Variants in FBXW7 observed in about 807,000 individuals in gnomAD.
FBXW7 encodes the protein F-box/WD repeat-containing protein 7.
FBXW7 carries 11 observed loss-of-function variants against 86.3 expected under a neutral mutation model. The observed-to-expected ratio is 0.13, with a 90% CI of 0.08 to 0.21. FBXW7 has a LOEUF of 0.21. Among genes scored for constraint, FBXW7 ranks in the 10% least tolerant of loss-of-function variants. The probability of loss-of-function intolerance (pLI) is 1.00; values close to 1 mark genes in which losing one functional copy is unlikely to be tolerated. For missense variants in FBXW7, 488 were observed against 847.4 expected (o/e 0.58, Z 5.27); for synonymous variants, 313 against 297.9 (o/e 1.05, Z -0.52).
chr4:152,335,587 G>T (rs1377717797), intron 7 of FBXW7, among the ~76,000 whole-genome samples: 1 of 152,180 alleles, frequency 6.6e-6, no homozygotes, highest in African/African-American at 2.4e-5. Context: ...TCTTCCTAAA[G>T]ATCACTTCTG....
At chr4:152,380,159 G>A (rs1033461009) in intron 4 of FBXW7, among the ~76,000 whole-genome samples, 1 of 152,070 alleles carries the variant, frequency 6.6e-6, no homozygotes, top group African/African-American at 2.4e-5. Context: ...TTGTCAAGGT[G>A]TATAGCAATC....
intron 2 of FBXW7, among the ~76,000 whole-genome samples, chr4:152,431,154 A>G (rs1300572046): frequency 6.6e-6 from 1 of 152,246 alleles, no homozygotes; most frequent in Non-Finnish European, 1.5e-5. Flanking sequence ...AAATCTAGAC[A>G]GGAGTTTCTG....
intron 2 of FBXW7, among the ~76,000 whole-genome samples, chr4:152,528,287 G>C (rs1256543099): frequency 1.3e-5 from 2 of 152,184 alleles, no homozygotes; most frequent in Non-Finnish European, 2.9e-5. Flanking sequence ...CATAGCAACA[G>C]AAACTGCACA....
intron 4 of FBXW7, among the ~76,000 whole-genome samples, chr4:152,384,922 T>C (rs1008610963): frequency 3.3e-5 from 5 of 152,042 alleles, no homozygotes; most frequent in Non-Finnish European, 7.4e-5. Flanking sequence ...ACTAGGTTCA[T>C]GCTAGTCTTA....
At chr4:152,501,007 A>G (rs954467738) in intron 2 of FBXW7, among the ~76,000 whole-genome samples, 1 of 152,232 alleles carries the variant, frequency 6.6e-6, no homozygotes, top group Non-Finnish European at 1.5e-5. Flanking sequence ...TTGTGCCTCT[A>G]GAGGGCAGCA....
intron 2 of FBXW7, among the ~76,000 whole-genome samples, chr4:152,505,550 T>A (rs1038575692): frequency 6.6e-6 from 1 of 152,158 alleles, no homozygotes; most frequent in Non-Finnish European, 1.5e-5. Flanking sequence ...AAAACTGTTT[T>A]AAGACACAAA....
intron 2 of FBXW7, among the ~76,000 whole-genome samples, chr4:152,421,364 T>C (rs1452584773): frequency 1.3e-5 from 2 of 152,194 alleles, no homozygotes; most frequent in African/African-American, 4.8e-5. Context: ...GTTTTGCTTA[T>C]AATTCATGTG....
At chr4:152,501,704 G>T (rs532452828) in intron 2 of FBXW7, among the ~76,000 whole-genome samples, 5 of 152,208 alleles carry the variant, frequency 3.3e-5, no homozygotes, top group South Asian at 4.1e-4. Flanking sequence ...ATGAGATCTC[G>T]ATAGGTCTCT....
chr4:152,366,830 T>C (rs1733530315), intron 4 of FBXW7, among the ~76,000 whole-genome samples: 1 of 152,208 alleles, frequency 6.6e-6, no homozygotes, highest in African/African-American at 2.4e-5. Context: ...TGCACACGTA[T>C]GTTTATTGTG....
At chr4:152,411,268 G>A (rs749851318) in intron 4 of FBXW7, 35 bp downstream of exon 4, 1 of 1,516,400 alleles carries the variant, frequency 6.6e-7, no homozygotes, top group South Asian at 1.4e-5. Flanking sequence ...GATATGTAAA[G>A]TTTCTCAGGT....
intron 2 of FBXW7, among the ~76,000 whole-genome samples, chr4:152,460,694 T>C (rs1322679783): frequency 6.6e-6 from 1 of 152,256 alleles, no homozygotes; most frequent in East Asian, 1.9e-4. Flanking sequence ...AGAAATTCTC[T>C]GGTATTGAGC....
At chr4:152,464,071 T>C (rs1024688929) in intron 2 of FBXW7, among the ~76,000 whole-genome samples, 2 of 152,208 alleles carry the variant, frequency 1.3e-5, no homozygotes, top group African/African-American at 4.8e-5. Context: ...TAATAGCATG[T>C]TTACGGCCAG....
chr4:152,397,695 CAAAAAAAAAAAAAA>C (rs397995836), intron 4 of FBXW7, among the ~76,000 whole-genome samples: 207 of 60,380 alleles, frequency 3.4e-3, no homozygotes, highest in Non-Finnish European at 5.1e-3. Flanking sequence ...CCTAAGAAGC[CAAAAAAAAAAAAAA>C]AAAAAAAAAA....
chr4:152,358,992 T>C (rs1732668750), intron 4 of FBXW7, among the ~76,000 whole-genome samples: 2 of 152,142 alleles, frequency 1.3e-5, no homozygotes, highest in Non-Finnish European at 2.9e-5. Context: ...CACGAGACAT[T>C]GTTAAAGAAG....
intron 4 of FBXW7, among the ~76,000 whole-genome samples, chr4:152,354,623 G>T (rs569686380): frequency 6.6e-5 from 10 of 152,132 alleles, no homozygotes; most frequent in African/African-American, 2.2e-4. Context: ...GTTAAGAAGA[G>T]ACCAACTTTA....
chr4:152,426,105 G>A lies in FBXW7; in HGVS notation c.-119-13576C>T, dbSNP rs530882290. ...GGTAACCAGGTGGTAATGTTCCTGG[G>A]CAACTAGCTGAAGCAAACCTTAGTT... On this transcript the variant is annotated intron_variant, in intron 2 of 13. Transcript: ENST00000281708. Among the ~76,000 whole-genome samples, 114 of 152,260 alleles carry A rather than the reference G, an allele frequency of 7.5e-4. 1 individual carries two copies. Among genetic ancestry groups the A allele is most frequent in the Admixed American group, 1.7e-3 (26 of 15,288 alleles).
intron 4 of FBXW7, among the ~76,000 whole-genome samples, chr4:152,394,805 C>T (rs1736280539): frequency 1.3e-5 from 2 of 152,044 alleles, no homozygotes; most frequent in African/African-American, 4.8e-5. Flanking sequence ...GATGCTACTA[C>T]CGTCCCTAAG....
At chr4:152,344,481 T>A (rs1289891592) in intron 6 of FBXW7, among the ~76,000 whole-genome samples, 1 of 151,952 alleles carries the variant, frequency 6.6e-6, no homozygotes, top group East Asian at 1.9e-4. Context: ...CTGCACCTAC[T>A]CCTTTTACAG....
chr4:152,529,136 C>A (rs1167329152), intron 2 of FBXW7, among the ~76,000 whole-genome samples: 1 of 152,136 alleles, frequency 6.6e-6, no homozygotes, highest in East Asian at 1.9e-4. Context: ...GGAATAATTT[C>A]TGTTTGGAGT....
Sources: allele counts gnomAD v4.1 joint callset (sites outside exome capture counted in the v4.1 genomes callset), GRCh38; gene constraint gnomAD v4.1.1; transcripts MANE v1.5; gene names NCBI Gene and HGNC (gene_info 2026-07-23, HGNC 2026-07-21).